Variants in ZFPM2 observed in about 807,000 individuals in gnomAD.
ZFPM2 encodes the protein zinc finger protein ZFPM2.
Under a neutral mutation model 98.6 loss-of-function variants are expected in ZFPM2, and 20 were observed. The observed-to-expected ratio is 0.20, with a 90% CI of 0.14 to 0.29. The LOEUF is 0.29. Among genes scored for constraint, ZFPM2 ranks in the 10% least tolerant of loss-of-function variants. The pLI is 1.00. For synonymous variants in ZFPM2, 518 were observed against 502.7 expected (o/e 1.03, Z -0.41); for missense variants, 1,310 against 1,388.6 (o/e 0.94, Z 0.90).
At chr8:105,383,683 A>G (rs1810931476) in intron 1 of ZFPM2, among the ~76,000 whole-genome samples, 1 of 152,188 alleles carries the variant, frequency 6.6e-6, no homozygotes, top group Admixed American at 6.5e-5. Flanking sequence ...TCCGGAGTAT[A>G]TGAAAATAGA....
chr8:105,484,629 G>A (rs1813192803), intron 3 of ZFPM2, among the ~76,000 whole-genome samples: 1 of 152,094 alleles, frequency 6.6e-6, no homozygotes, highest in Non-Finnish European at 1.5e-5. Context: ...TTAGAATAGT[G>A]CCACACTGCC....
At chr8:105,684,940 A>G (rs1810697400) in intron 5 of ZFPM2, 2 of 152,110 alleles carry the variant, frequency 1.3e-5, no homozygotes, top group African/African-American at 4.8e-5. Context: ...AAACAACACA[A>G]GAATTCTGTA....
intron 4 of ZFPM2, among the ~76,000 whole-genome samples, chr8:105,611,326 A>G (rs1816303244): frequency 6.6e-6 from 1 of 152,252 alleles, no homozygotes; most frequent in Non-Finnish European, 1.5e-5. Flanking sequence ...CTTAATAATT[A>G]TAGATAAATC....
intron 2 of ZFPM2, among the ~76,000 whole-genome samples, chr8:105,443,144 A>G (rs1208655313): frequency 6.6e-6 from 1 of 151,988 alleles, no homozygotes; most frequent in African/African-American, 2.4e-5. Context: ...CCCCATCTCT[A>G]CTAAAAATAC....
At chr8:105,673,731 A>G in intron 5 of ZFPM2, among the ~76,000 whole-genome samples, 1 of 152,334 alleles carries the variant, frequency 6.6e-6, no homozygotes, top group East Asian at 1.9e-4. Flanking sequence ...GAGTTTATTT[A>G]GGATGAGAGA....
At chr8:105,769,706 TAACCAC>T (rs1458252276) in intron 5 of ZFPM2, among the ~76,000 whole-genome samples, 2 of 152,070 alleles carry the variant, frequency 1.3e-5, no homozygotes, top group Non-Finnish European at 1.5e-5. Flanking sequence ...TTATAAAACA[TAACCAC>T]AATTTGTCCT....
At chr8:105,456,349 A>G (rs1055526324) in intron 3 of ZFPM2, among the ~76,000 whole-genome samples, 2 of 151,922 alleles carry the variant, frequency 1.3e-5, no homozygotes, top group African/African-American at 4.8e-5. Context: ...AGAGGGAAAA[A>G]CAAGCACATG....
intron 5 of ZFPM2, among the ~76,000 whole-genome samples, chr8:105,644,113 A>C (rs972016719): frequency 7.2e-5 from 11 of 152,006 alleles, no homozygotes; most frequent in Admixed American, 6.6e-4. Context: ...ACTTGGCCTT[A>C]TATGATCTGC....
chr8:105,489,466 A>ATATATATATATATATATATATATATTT (rs1554610604), intron 3 of ZFPM2, among the ~76,000 whole-genome samples: 25 of 119,756 alleles, frequency 2.1e-4, no homozygotes, highest in African/African-American at 8.3e-4. Flanking sequence ...ATATATATAT[A>ATATATATATATATATATATATATATTT]TTTTTTTTTT....
At position 105,803,371 on chromosome 8, in the gene ZFPM2, G is replaced by A. The variant is rs778423836; in HGVS notation, c.3289G>A (p.Ala1097Thr). 6 of 1,613,132 alleles carry A rather than the reference G, an allele frequency of 3.7e-6. No individual in the cohort carries two copies. Among genetic ancestry groups the A allele is most frequent in the Admixed American group, 1.7e-5 (1 of 59,996 alleles). Residue 1097 changes from alanine (A) to threonine (T), a missense_variant, in exon 8 of 8, where the codon GCA (alanine) becomes ACA (threonine). Ala to Thr is a moderately conservative substitution (Grantham distance 58, BLOSUM62 0). Coordinates refer to ENST00000407775, the MANE Select transcript of ZFPM2 (RefSeq NM_012082.4). ...NENVSPGIPS[A>T]EEQLSSIAKG... ...GAATGTCTCACCAGGAATTCCCTCA[G>A]CAGAGGAACAGTTGTCTAGTATAGC...
At chr8:105,649,053 T>C (rs1487474302) in intron 5 of ZFPM2, among the ~76,000 whole-genome samples, 1 of 152,210 alleles carries the variant, frequency 6.6e-6, no homozygotes, top group East Asian at 1.9e-4. Flanking sequence ...TTTTATTTCA[T>C]TGAGCAGTGG....
At chr8:105,548,327 TAA>T (rs1164034022) in intron 3 of ZFPM2, among the ~76,000 whole-genome samples, 2 of 152,114 alleles carry the variant, frequency 1.3e-5, no homozygotes, top group African/African-American at 2.4e-5. Context: ...AAATATTTTA[TAA>T]GAGTAATATA....
At chr8:105,322,204 A>T (rs1163181799) in intron 1 of ZFPM2, among the ~76,000 whole-genome samples, 1 of 152,110 alleles carries the variant, frequency 6.6e-6, no homozygotes, top group Non-Finnish European at 1.5e-5. Flanking sequence ...TCCTGCCAAT[A>T]TGCCAATAAA....
At chr8:105,768,662 C>A (rs887078705) in intron 5 of ZFPM2, among the ~76,000 whole-genome samples, 1 of 151,906 alleles carries the variant, frequency 6.6e-6, no homozygotes, top group African/African-American at 2.4e-5. Flanking sequence ...AATTTAGAAT[C>A]TCTATATATG....
chr8:105,537,092 A>C (rs1814468500), intron 3 of ZFPM2, among the ~76,000 whole-genome samples: 1 of 152,154 alleles, frequency 6.6e-6, no homozygotes, highest in African/African-American at 2.4e-5. Context: ...GCATTCATAA[A>C]GTTTTAAAGA....
chr8:105,785,061 C>T (rs550203447), intron 5 of ZFPM2: 1 of 128,344 alleles, frequency 7.8e-6, no homozygotes, highest in Non-Finnish European at 1.5e-5. Flanking sequence ...TGTTGAGATA[C>T]CCCAAGTTTC....
At chr8:105,789,131 A>T (rs181251191) in intron 6 of ZFPM2, 8 of 475,802 alleles carry the variant, frequency 1.7e-5, no homozygotes, top group East Asian at 1.4e-4. Flanking sequence ...CATGTGCACA[A>T]TGTGCAGGTT....
At chr8:105,711,007 T>C (rs1165807764) in intron 5 of ZFPM2, among the ~76,000 whole-genome samples, 5 of 152,132 alleles carry the variant, frequency 3.3e-5, no homozygotes, top group East Asian at 1.9e-4. Context: ...AATATCTTGA[T>C]GTAATTTTTG....
chr8:105,599,391 TAA>T (rs71577982), intron 4 of ZFPM2, among the ~76,000 whole-genome samples: 9 of 137,336 alleles, frequency 6.6e-5, no homozygotes, highest in South Asian at 2.4e-4. Flanking sequence ...TTTTCGTCTT[TAA>T]AAAAAAAAAA....
Sources: allele counts gnomAD v4.1 joint callset (sites outside exome capture counted in the v4.1 genomes callset), GRCh38; gene constraint gnomAD v4.1.1; transcripts MANE v1.5; gene names NCBI Gene and HGNC (gene_info 2026-07-23, HGNC 2026-07-21).